The following RTN3 variants were observed in gnomAD, a reference collection of about 807,000 sequenced individuals.
RTN3 encodes the protein reticulon-3.
In RTN3, 49 loss-of-function variants were observed where a neutral mutation model predicts 77.8. That is an observed-to-expected ratio of 0.63 (90% CI 0.50 to 0.80). The LOEUF is 0.80. Ranked by LOEUF, RTN3 falls within the 30% of genes least tolerant of loss-of-function variation. The probability of loss-of-function intolerance (pLI) is 0.00; values close to 1 mark genes in which losing one functional copy is unlikely to be tolerated. For synonymous variants in RTN3, 464 were observed against 446.9 expected, an observed-to-expected ratio of 1.04 and a Z score of -0.48; for missense variants, 1,236 against 1,211.9, an observed-to-expected ratio of 1.02 and a Z score of -0.29.
intron 3 of RTN3, chr11:63,747,126 T>C (rs2013843756): frequency 2.4e-6 from 1 of 415,938 alleles, no homozygotes; most frequent in African/African-American, 2.0e-5. Flanking sequence ...TCTGGTGTTT[T>C]CTGATTAGAT....
chr11:63,703,643 C>A (rs1196063699), intron 1 of RTN3, among the ~76,000 whole-genome samples: 1 of 150,828 alleles, frequency 6.6e-6, no homozygotes, highest in Non-Finnish European at 1.5e-5. Flanking sequence ...CCCAGGTTCA[C>A]GCCATTCTCC....
intron 2 of RTN3, among the ~76,000 whole-genome samples, chr11:63,717,038 C>G (rs528369910): frequency 2.0e-5 from 3 of 150,174 alleles, no homozygotes; most frequent in African/African-American, 7.3e-5. Flanking sequence ...TGGCATGTGC[C>G]TGTGGTCCCA....
intron 2 of RTN3, among the ~76,000 whole-genome samples, chr11:63,711,204 G>A (rs1207307155): frequency 2.6e-5 from 4 of 151,866 alleles, no homozygotes; most frequent in Non-Finnish European, 2.9e-5. Flanking sequence ...CACTTGAACC[G>A]GGGAGGTGGA....
chr11:63,687,608 TAAAAA>T (rs35057519), intron 1 of RTN3, among the ~76,000 whole-genome samples: 1 of 134,534 alleles, frequency 7.4e-6, no homozygotes, highest in Admixed American at 7.5e-5. Flanking sequence ...AGACTCCATC[TAAAAA>T]AAAAAAAAAA....
At position 63,719,669 on chromosome 11, in the gene RTN3, A is replaced by G. The variant is rs370124982; in HGVS notation, c.1167A>G (p.Val389=). Residue 389 remains valine, a synonymous_variant, in exon 3 of 9, where the codon GTA becomes GTG. Coordinates refer to ENST00000377819, the MANE Select transcript of RTN3 (RefSeq NM_001265589.2). ...LKTSTHQKTP[V]CSIDGSTPIT... Reference sequence around the variant, plus strand: ...CTAGCACTCATCAGAAAACTCCTGTATGTTCTATTGATGGGAGCACTCCCA... The same window carrying G: ...CTAGCACTCATCAGAAAACTCCTGTGTGTTCTATTGATGGGAGCACTCCCA... 1.9e-6 allele frequency: 3 copies of G among 1,614,132 alleles called. No individual in the cohort carries two copies. Among genetic ancestry groups the G allele is most frequent in the Admixed American group, 1.7e-5 (1 of 60,018 alleles).
In RTN3 at chr11:63,719,041, T is replaced by C; in HGVS notation, c.539T>C (p.Ile180Thr). 6.2e-7 allele frequency: 1 copy of C among 1,614,042 alleles called. No homozygotes were observed. Among genetic ancestry groups the C allele is most frequent in the Non-Finnish European group, 8.5e-7 (1 of 1,180,006 alleles). Reference sequence around the variant, plus strand: ...AAAATTGGTCAAGTGGAAGAGCAAATAGATAAAGAGACCAAGAACCCAAAT... The same window carrying C: ...AAAATTGGTCAAGTGGAAGAGCAAACAGATAAAGAGACCAAGAACCCAAAT... ...SKKIGQVEEQ[I>T]DKETKNPNGV... Residue 180 changes from isoleucine to threonine, a missense_variant, in exon 3 of 9, where the codon ATA becomes ACA. Transcript: ENST00000377819.
At chr11:63,754,106 C>G (rs1465200167) in intron 7 of RTN3, among the ~76,000 whole-genome samples, 5 of 151,024 alleles carry the variant, frequency 3.3e-5, no homozygotes, top group Admixed American at 3.3e-4. Flanking sequence ...CCTGGGCAAC[C>G]TGGCAAAACC....
intron 2 of RTN3, among the ~76,000 whole-genome samples, chr11:63,712,483 ATTTT>A (rs34923509): frequency 4.4e-5 from 4 of 90,396 alleles, no homozygotes; most frequent in Non-Finnish European, 4.7e-5. Context: ...AAGGACTTTG[ATTTT>A]TTTTTTTTTT....
intron 2 of RTN3, among the ~76,000 whole-genome samples, chr11:63,713,090 C>T (rs1357766699): frequency 6.6e-6 from 1 of 152,058 alleles, no homozygotes; most frequent in Admixed American, 6.6e-5. Flanking sequence ...AGTGAAATTC[C>T]ATCTCTCAAA....
intron 1 of RTN3, among the ~76,000 whole-genome samples, chr11:63,700,978 T>G (rs1333227668): frequency 9.9e-5 from 15 of 151,074 alleles, no homozygotes; most frequent in Admixed American, 9.9e-4. Flanking sequence ...TAGTCCCAGC[T>G]ACTCGGGAGG....
intron 1 of RTN3, among the ~76,000 whole-genome samples, chr11:63,693,333 A>C (rs1941763859): frequency 6.6e-6 from 1 of 151,752 alleles, no homozygotes; most frequent in South Asian, 2.1e-4. Flanking sequence ...AAAATACAAA[A>C]TTAGCTGGGC....
In RTN3 at chr11:63,708,835, A is replaced by T. The variant is rs149559438; in HGVS notation, c.199+3928A>T. Among the ~76,000 whole-genome samples the T allele has an allele frequency of 8.8e-3, 1,336 of 152,320 alleles. 9 individuals carry two copies. The highest frequency in any genetic ancestry group is 0.013 in the Non-Finnish European group (890 of 68,028). ...TTCAGCCTAATCCCTGAGAGTTTCA[A>T]AATAGTGGATTACATTTTAATGATG... On this transcript the variant is annotated intron_variant, in intron 2 of 8. Transcript: ENST00000377819.
chr11:63,685,053 C>A (rs1384235597), intron 1 of RTN3, among the ~76,000 whole-genome samples: 2 of 152,148 alleles, frequency 1.3e-5, no homozygotes, highest in African/African-American at 4.8e-5. Flanking sequence ...AGCCACTGAG[C>A]CCAGCCAAGA....
intron 1 of RTN3, among the ~76,000 whole-genome samples, chr11:63,700,017 C>T (rs1349481711): frequency 6.6e-6 from 1 of 152,182 alleles, no homozygotes; most frequent in Non-Finnish European, 1.5e-5. Context: ...TTGTACCAGC[C>T]ATTACCAGTT....
At chr11:63,707,562 G>A (rs943251728) in intron 2 of RTN3, among the ~76,000 whole-genome samples, 6 of 151,754 alleles carry the variant, frequency 4.0e-5, no homozygotes, top group Non-Finnish European at 8.8e-5. Context: ...GACTGTGCGC[G>A]GTGGCTCACA....
chr11:63,707,551 C>T (rs1196518571), intron 2 of RTN3, among the ~76,000 whole-genome samples: 1 of 151,950 alleles, frequency 6.6e-6, no homozygotes, highest in African/African-American at 2.4e-5. Flanking sequence ...ATGCCCTATC[C>T]GACTGTGCGC....
chr11:63,721,609 G>A (rs891967637), intron 3 of RTN3, among the ~76,000 whole-genome samples: 2 of 149,264 alleles, frequency 1.3e-5, no homozygotes, highest in South Asian at 2.1e-4. Flanking sequence ...TTTTTTCTAT[G>A]CTCCAGTTAT....
chr11:63,691,945 T>G (rs1475240967), intron 1 of RTN3, among the ~76,000 whole-genome samples: 1 of 152,170 alleles, frequency 6.6e-6, no homozygotes, highest in Non-Finnish European at 1.5e-5. Context: ...CCTGTTACAC[T>G]CCGTAAATGC....
intron 1 of RTN3, among the ~76,000 whole-genome samples, chr11:63,703,808 C>A (rs1942365456): frequency 6.6e-6 from 1 of 151,962 alleles, no homozygotes; most frequent in African/African-American, 2.4e-5. Context: ...TCCCAAAGTG[C>A]TGGGATTACA....
Sources: allele counts gnomAD v4.1 joint callset (sites outside exome capture counted in the v4.1 genomes callset), GRCh38; gene constraint gnomAD v4.1.1; transcripts MANE v1.5; gene names NCBI Gene and HGNC (gene_info 2026-07-23, HGNC 2026-07-21).